The following POFUT2 variants were observed in gnomAD, a reference collection of about 807,000 sequenced individuals.
POFUT2 encodes protein O-fucosyltransferase 2, also known as GDP-fucose protein O-fucosyltransferase 2.
A neutral mutation model predicts 55.0 loss-of-function variants in POFUT2; 30 were observed. That is an observed-to-expected ratio of 0.55 (90% CI 0.41 to 0.74). POFUT2 has a LOEUF of 0.74. Among genes scored for constraint, POFUT2 ranks in the 30% least tolerant of loss-of-function variants. The pLI, the probability that POFUT2 is intolerant of heterozygous loss-of-function variation, is 0.00. For missense variants in POFUT2, 524 were observed against 562.6 expected (o/e 0.93, Z 0.69); for synonymous variants, 267 against 231.1 (o/e 1.16, Z -1.41).
rs919696458 is a variant in POFUT2 at position 45,265,545 on chromosome 21, G to A, written c.1227C>T (p.Asn409=). Residue 409 remains asparagine, a synonymous_variant, in exon 9 of 9, where the codon AAC becomes AAT. Transcript: ENST00000349485. The surrounding 1 kb of genome is among the most constrained non-coding windows in gnomAD (Gnocchi z 4.6). ...CCTTCTCTTGGTCTCCGCAGAACCTGTTGTACGTCGTCTTGGGGTCCAACC... is the reference window on the plus strand; with the variant it reads ...CCTTCTCTTGGTCTCCGCAGAACCTATTGTACGTCGTCTTGGGGTCCAACC... ...ILGLDPKTTY[N]RFCGDQEKAC... The A allele has an allele frequency of 1.9e-6, 3 of 1,614,008 alleles. No homozygotes were observed. Among genetic ancestry groups the A allele is most frequent in the Admixed American group, 3.3e-5 (2 of 59,990 alleles).
chr21:45,279,187 C>G (rs143503579), intron 4 of POFUT2, among the ~76,000 whole-genome samples: 4 of 151,966 alleles, frequency 2.6e-5, no homozygotes, highest in South Asian at 2.1e-4. Context: ...GTCAGGAGAT[C>G]GAGACCATCC....
chr21:45,266,797 C>CGTTA, intron 8 of POFUT2: 4 of 998,514 alleles, frequency 4.0e-6, no homozygotes, highest in Non-Finnish European at 4.8e-6. Flanking sequence ...GAGAGACAGA[C>CGTTA]TAACCCACAG....
chr21:45,281,297 C>T lies in POFUT2; in HGVS notation c.638+1052G>A, dbSNP rs1459360392. On this transcript the variant is annotated intron_variant, in intron 4 of 8. Coordinates refer to ENST00000349485, the MANE Select transcript of POFUT2 (RefSeq NM_133635.6). This position sits in a 1 kb window ranked among gnomAD's most constrained non-coding sequence, Gnocchi z 5.0. ...GCAAGACTGTTCCACAGGCCCCAAA[C>T]GTAGGCAGACTGGCTTCCAAAACCC... is the stretch of plus-strand genomic sequence containing the variant. 6.6e-6 allele frequency among the ~76,000 whole-genome samples: 1 copy of T among 152,218 alleles called. No individual in the cohort carries two copies. Among genetic ancestry groups the T allele is most frequent in the Non-Finnish European group, 1.5e-5 (1 of 68,044 alleles).
chr21:45,283,251 A>AGG, intron 3 of POFUT2, 132 bp downstream of exon 3: 1 of 397,936 alleles, frequency 2.5e-6, no homozygotes, highest in South Asian at 2.3e-5. Flanking sequence ...GGGGTGCTGC[A>AGG]GGGGGGGCGG....
Position 45,287,835 on chromosome 21 carries a change from C to A in POFUT2, c.37G>T (p.Ala13Ser), listed in dbSNP as rs530089816. ...TLSFVFLLLG[A>S]VSWPPASASG... is the part of the protein sequence containing the mutation. Reference sequence around the variant, plus strand: ...GCAGAAGCCGGAGGCCAGGACACTGCCCCCAGCAGCAGGAAGACGAAGCTG... The same window carrying A: ...GCAGAAGCCGGAGGCCAGGACACTGACCCCAGCAGCAGGAAGACGAAGCTG... Residue 13 changes from alanine to serine, a missense_variant, in exon 1 of 9, where the codon GCA (alanine) becomes TCA (serine). Ala to Ser is a moderately conservative substitution (Grantham distance 99, BLOSUM62 1). Transcript: ENST00000349485. 5 of 1,458,330 alleles carry A rather than the reference C, an allele frequency of 3.4e-6. No individual in the cohort carries two copies. The highest frequency in any genetic ancestry group is 3.0e-5 in the African/African-American group (2 of 67,492). 90.3% of individuals were successfully genotyped at this position (1,458,330 alleles called of 1,614,324 possible).
rs1415721479 is a variant in POFUT2, at chr21:45,264,592, TA to T, written c.*889del. ...GTCCTTCCTCATTTCTAGTTCTCAA[TA>T]GCGAATGGCAGACCTGGAGGCCCCA... On this transcript the variant is annotated 3_prime_UTR_variant, in exon 9 of 9. Coordinates refer to ENST00000349485, the MANE Select transcript of POFUT2 (RefSeq NM_133635.6). 6.6e-6 allele frequency: 1 copy of T among 151,832 alleles called. No individual in the cohort carries two copies. Among genetic ancestry groups the T allele is most frequent in the Non-Finnish European group, 1.5e-5 (1 of 68,132 alleles). 9.4% of individuals were successfully genotyped at this position (151,832 alleles called of 1,614,324 possible).
intron 7 of POFUT2, among the ~76,000 whole-genome samples, chr21:45,269,498 G>A (rs1376614090): frequency 6.6e-6 from 1 of 152,098 alleles, no homozygotes; most frequent in African/African-American, 2.4e-5. Flanking sequence ...CCCCAACCCT[G>A]TGCTCTCTGA....
chr21:45,282,433 G>A lies in POFUT2; in HGVS notation c.554C>T (p.Thr185Ile). ...CAGACAGGAGACGTTTAGACCCCTGGTCTCCTCATAACCCCAAAACCATCC... is the reference window on the plus strand; with the variant it reads ...CAGACAGGAGACGTTTAGACCCCTGATCTCCTCATAACCCCAAAACCATCC... ...YRGWFWGYEE[T>I]RGLNVSCLSV... The change falls in exon 4 of 9, where the codon ACC becomes ATC. Residue 185 changes from threonine to isoleucine, a missense_variant. Coordinates refer to ENST00000349485, the MANE Select transcript of POFUT2 (RefSeq NM_133635.6). This position sits in a 1 kb window ranked among gnomAD's most constrained non-coding sequence, Gnocchi z 4.6. 1.2e-6 allele frequency: 2 copies of A among 1,611,368 alleles called. No homozygotes were observed. The highest frequency in any genetic ancestry group is 1.7e-6 in the Non-Finnish European group (2 of 1,177,776).
Position 45,282,880 on chromosome 21 carries a change from C to G in POFUT2, c.528-421G>C, listed in dbSNP as rs758259797. On this transcript the variant is annotated intron_variant, in intron 3 of 8. Transcript: ENST00000349485. This position sits in a 1 kb window ranked among gnomAD's most constrained non-coding sequence, Gnocchi z 4.6. ...AACTGACAGCTTTTCCACAGGAGGC[C>G]TGGTAGTGTCAGAGCCTTTAATGGC... is the stretch of plus-strand genomic sequence containing the variant. 1 of 476,710 alleles carries G rather than the reference C, an allele frequency of 2.1e-6. No individual in the cohort carries two copies. Among genetic ancestry groups the G allele is most frequent in the Non-Finnish European group, 4.3e-6 (1 of 231,246 alleles). 29.5% of individuals were successfully genotyped at this position (476,710 alleles called of 1,614,324 possible).
Position 45,265,776 on chromosome 21 carries a change from C to T in POFUT2, c.1137-141G>A. On this transcript the variant is annotated intron_variant, in intron 8 of 8. Coordinates refer to ENST00000349485, the MANE Select transcript of POFUT2 (RefSeq NM_133635.6). The surrounding 1 kb of genome is among the most constrained non-coding windows in gnomAD (Gnocchi z 4.6). ...CCAACACGGCCGTCCCCCGAGCACC[C>T]ACCAGCCGGCCGCCCCCTTGCTGGC... is the stretch of plus-strand genomic sequence containing the variant. The T allele has an allele frequency of 7.0e-7, 1 of 1,435,886 alleles. No individual in the cohort carries two copies. The highest frequency in any genetic ancestry group is 9.1e-7 in the Non-Finnish European group (1 of 1,099,036). 88.9% of individuals were successfully genotyped at this position (1,435,886 alleles called of 1,614,324 possible).
At chr21:45,266,284 G>A (rs970751269) in intron 8 of POFUT2, 18 of 1,366,948 alleles carry the variant, frequency 1.3e-5, no homozygotes, top group Admixed American at 9.5e-5. Flanking sequence ...CATGCACAGC[G>A]CTGTACACAG....
chr21:45,287,767 A>AAT lies in POFUT2; in HGVS notation c.103_104dup (p.Leu36PhefsTer36). The AAT allele has an allele frequency of 6.7e-7, 1 of 1,501,572 alleles. No homozygotes were observed. The highest frequency in any genetic ancestry group is 8.9e-7 in the Non-Finnish European group (1 of 1,120,400). The allele number at this position is 1,501,572 out of a possible 1,614,324, so 93.0% of individuals were successfully genotyped here. On this transcript the variant is annotated frameshift_variant, in exon 1 of 9. Transcript: ENST00000349485. LOFTEE classifies it high-confidence loss of function. ...GTCTGCGGGAAGCCGCCCCCGACAG[A>AAT]ATATCGGCCGCCGATTGTCCGGGCC...
chr21:45,283,076 C>T (rs1026474709), intron 3 of POFUT2: 1 of 384,740 alleles, frequency 2.6e-6, no homozygotes, highest in South Asian at 2.0e-5. Context: ...GTGTGGGCAG[C>T]CACAAGCGCT....
chr21:45,279,057 G>C (rs1377785705), intron 4 of POFUT2, among the ~76,000 whole-genome samples: 2 of 152,170 alleles, frequency 1.3e-5, no homozygotes, highest in Non-Finnish European at 2.9e-5. Context: ...GGTGGTAAAG[G>C]CTGGAATACA....
rs753561172 is a variant in POFUT2, at chr21:45,277,034, C to T, written c.814G>A (p.Asp272Asn). 81 of 1,614,010 alleles carry T rather than the reference C, an allele frequency of 5.0e-5. 1 individual carries two copies. The highest frequency in any genetic ancestry group is 2.6e-4 in the South Asian group (24 of 91,088). Residue 272 changes from aspartate (D) to asparagine (N), a missense_variant, in exon 6 of 9, where the codon GAC (aspartate) becomes AAC (asparagine). Coordinates refer to ENST00000349485, the MANE Select transcript of POFUT2 (RefSeq NM_133635.6). This position sits in a 1 kb window ranked among gnomAD's most constrained non-coding sequence, Gnocchi z 6.9. Reference sequence around the variant, plus strand: ...GGGGCTACCTTCATCTTCATCCAGTCCTCCTGGAAGGGGATCCTGTCTGCG... The same window carrying T: ...GGGGCTACCTTCATCTTCATCCAGTTCTCCTGGAAGGGGATCCTGTCTGCG... Reference protein sequence around the residue: ...DDADRIPFQEDWMKMKVKLGS... With the variant: ...DDADRIPFQENWMKMKVKLGS...
intron 4 of POFUT2, among the ~76,000 whole-genome samples, chr21:45,280,701 T>A (rs1243942291): frequency 6.8e-6 from 1 of 147,424 alleles, no homozygotes; most frequent in Non-Finnish European, 1.5e-5. Flanking sequence ...GAGTTTCGTC[T>A]CAATTGCACG....
chr21:45,265,496 T>G lies in POFUT2; in HGVS notation c.1276A>C (p.Lys426Gln). ...GAGGATCCTCCTCAGTAGGTGATCT[T>G]CCAGTGGGTGGGTTGCTCACACGCC... ...EKACEQPTHW[K>Q]ITY The change falls in exon 9 of 9, where the codon AAG (lysine) becomes CAG (glutamine). Residue 426 changes from lysine (K) to glutamine (Q), a missense_variant. Around this residue, in one of 2 missense-constraint regions of POFUT2, gnomAD observed 250 missense variants for 318.2 expected, o/e 0.79. Transcript: ENST00000349485. This position sits in a 1 kb window ranked among gnomAD's most constrained non-coding sequence, Gnocchi z 4.6. 6.2e-7 allele frequency: 1 copy of G among 1,613,334 alleles called. No individual in the cohort carries two copies. The highest frequency in any genetic ancestry group is 8.5e-7 in the Non-Finnish European group (1 of 1,179,674).
At chr21:45,271,714 T>C (rs976312480) in intron 6 of POFUT2, among the ~76,000 whole-genome samples, 4 of 152,228 alleles carry the variant, frequency 2.6e-5, no homozygotes, top group African/African-American at 7.2e-5. Flanking sequence ...AGCAGAAACC[T>C]ACAAGCTACA....
intron 5 of POFUT2, 29 bp downstream of exon 5, chr21:45,278,070 AACTG>A: frequency 6.5e-7 from 1 of 1,541,438 alleles, no homozygotes; most frequent in South Asian, 1.1e-5. Context: ...AACATACACT[AACTG>A]AGAAAAACGC....
Sources: allele counts gnomAD v4.1 joint callset (sites outside exome capture counted in the v4.1 genomes callset), GRCh38; gene constraint gnomAD v4.1.1; regional missense constraint gnomAD v4.1.1; non-coding constraint Gnocchi (gnomAD v3.1); transcripts MANE v1.5; gene names NCBI Gene and HGNC (gene_info 2026-07-23, HGNC 2026-07-21).